PEPD: variants seen among roughly 807,000 people sequenced by gnomAD.
PEPD encodes xaa-Pro dipeptidase.
In PEPD, 53 loss-of-function variants were observed where a neutral mutation model predicts 60.7. That is an observed-to-expected ratio of 0.87 (90% CI 0.70 to 1.10). PEPD has a LOEUF of 1.10. Among genes scored for constraint, PEPD ranks in the 50% least tolerant of loss-of-function variants. The pLI is 0.00. For synonymous variants in PEPD, 267 were observed against 284.1 expected (o/e 0.94, Z 0.60); for missense variants, 711 against 711.9 (o/e 1.00, Z 0.01).
At chr19:33,478,562 CAAGAG>C (rs1970263174) in intron 6 of PEPD, among the ~76,000 whole-genome samples, 1 of 151,948 alleles carries the variant, frequency 6.6e-6, no homozygotes, top group African/African-American at 2.4e-5. Context: ...TTGAAAGCAG[CAAGAG>C]AAAAGTATTA....
intron 7 of PEPD, among the ~76,000 whole-genome samples, chr19:33,472,100 G>T (rs554054161): frequency 4.6e-5 from 7 of 151,142 alleles, no homozygotes; most frequent in Non-Finnish European, 7.4e-5. Context: ...GGCGGAAGTT[G>T]CAGTGAGCCA....
Position 33,387,486 on chromosome 19 carries a change from G to T in PEPD, c.1345-5C>A, listed in dbSNP as rs751676706. 2 of 1,613,364 alleles carry T rather than the reference G, an allele frequency of 1.2e-6. No homozygotes were observed. Among genetic ancestry groups the T allele is most frequent in the Non-Finnish European group, 1.7e-6 (2 of 1,180,036 alleles). ...GACGTCCTCCTCGATGCGGACCTGG[G>T]TCAAGCCGACAGACACACATTATCA... On this transcript the variant is annotated splice_region_variant and splice_polypyrimidine_tract_variant and intron_variant, in intron 14 of 14. Transcript: ENST00000244137.
intron 11 of PEPD, among the ~76,000 whole-genome samples, chr19:33,404,034 C>T (rs774707431): frequency 1.3e-5 from 2 of 152,200 alleles, no homozygotes; most frequent in African/African-American, 2.4e-5. Context: ...GCTCAGATCA[C>T]GGGTCCAGGA....
intron 9 of PEPD, among the ~76,000 whole-genome samples, chr19:33,455,955 T>C (rs1191230258): frequency 1.3e-5 from 2 of 152,184 alleles, no homozygotes; most frequent in South Asian, 2.1e-4. Flanking sequence ...CCTATTTATG[T>C]TAGTTTTGCC....
intron 9 of PEPD, among the ~76,000 whole-genome samples, chr19:33,445,495 TGA>T (rs1969574529): frequency 1.3e-5 from 2 of 152,108 alleles, no homozygotes; most frequent in Non-Finnish European, 1.5e-5. Flanking sequence ...TCTGAGCATA[TGA>T]GAGAGACCCC....
chr19:33,398,152 G>T (rs1283305535), intron 12 of PEPD, among the ~76,000 whole-genome samples: 1 of 152,230 alleles, frequency 6.6e-6, no homozygotes. Context: ...GCTCCCCGTG[G>T]CCTGGTGCTA....
rs118187316 is a variant in PEPD at position 33,410,055 on chromosome 19, T to G, written c.818+1617A>C. 7.2e-5 allele frequency among the ~76,000 whole-genome samples: 11 copies of G among 152,312 alleles called. No individual in the cohort carries two copies. The East Asian group carries it at 1.9e-3, about 27-fold the overall frequency. ...GGGGACTGGGGACTCGCCCACCATT[T>G]GTGGGGCTCACTGTGGTGCCAGAGT... On this transcript the variant is annotated intron_variant, in intron 11 of 14. Transcript: ENST00000244137.
intron 9 of PEPD, among the ~76,000 whole-genome samples, chr19:33,451,247 C>T (rs758284965): frequency 6.6e-6 from 1 of 152,208 alleles, no homozygotes; most frequent in Non-Finnish European, 1.5e-5. Flanking sequence ...ATAAGCCCCA[C>T]TTTAGGGCTT....
At chr19:33,463,822 C>T (rs997694147) in intron 8 of PEPD, among the ~76,000 whole-genome samples, 165 bp downstream of exon 8, 1 of 152,212 alleles carries the variant, frequency 6.6e-6, no homozygotes, top group Non-Finnish European at 1.5e-5. Flanking sequence ...CTGCCCTGTG[C>T]CCACCAGGGA....
At chr19:33,463,883 C>A (rs1969973316) in intron 8 of PEPD, 104 bp downstream of exon 8, 1 of 776,174 alleles carries the variant, frequency 1.3e-6, no homozygotes, top group African/African-American at 1.7e-5. Context: ...TCACTTGGCC[C>A]TCAGGGATTA....
intron 4 of PEPD, among the ~76,000 whole-genome samples, chr19:33,496,084 T>A (rs1216413802): frequency 6.6e-6 from 1 of 152,080 alleles, no homozygotes; most frequent in East Asian, 1.9e-4. Context: ...GGAACAGGGG[T>A]ACACATGCCG....
rs1968776841 is a variant in PEPD, at chr19:33,411,691, T to A, written c.799A>T (p.Ile267Phe). The part of the protein sequence containing the change: ...GHAGAPNDRT[I>F]QNGDMCLFDM... ...ACTTACCACATATCCCCATTCTGGA[T>A]CGTTCGGTCGTTGGGAGCTCCGGCG... is the stretch of plus-strand genomic sequence containing the variant. Residue 267 changes from isoleucine (I) to phenylalanine (F), a missense_variant, in exon 11 of 15, where the codon ATC (isoleucine) becomes TTC (phenylalanine). Physicochemically the swap from Ile to Phe is conservative, Grantham distance 21. Coordinates refer to ENST00000244137, the MANE Select transcript of PEPD (RefSeq NM_000285.4). The A allele has an allele frequency of 6.2e-7, 1 of 1,607,762 alleles. No homozygotes were observed.
chr19:33,511,288 TC>T, intron 2 of PEPD, 133 bp from the exon 3 acceptor site: 1 of 870,482 alleles, frequency 1.1e-6, no homozygotes, highest in Non-Finnish European at 1.9e-6. Context: ...GCCCCAGACA[TC>T]CCTTCCCCTC....
At chr19:33,497,346 G>T (rs1046706243) in intron 4 of PEPD, among the ~76,000 whole-genome samples, 1 of 152,240 alleles carries the variant, frequency 6.6e-6, no homozygotes, top group African/African-American at 2.4e-5. Flanking sequence ...TGCATGGAAC[G>T]CACGCTTCAC....
chr19:33,517,582 A>C (rs1331390496), intron 1 of PEPD, among the ~76,000 whole-genome samples: 1 of 150,826 alleles, frequency 6.6e-6, no homozygotes, highest in African/African-American at 2.4e-5. Context: ...AACAAAAAAC[A>C]AAAAAAAACC....
At chr19:33,405,812 G>T (rs534767992) in intron 11 of PEPD, among the ~76,000 whole-genome samples, 1 of 152,146 alleles carries the variant, frequency 6.6e-6, no homozygotes, top group Admixed American at 6.5e-5. Flanking sequence ...CCCCCTTTTC[G>T]TGTGACGGCC....
At chr19:33,517,992 G>A (rs1288463910) in intron 1 of PEPD, among the ~76,000 whole-genome samples, 1 of 151,102 alleles carries the variant, frequency 6.6e-6, no homozygotes, top group African/African-American at 2.4e-5. Flanking sequence ...GCCACTTCTA[G>A]ACAGGGTCAC....
chr19:33,486,729 C>CA (rs1970403619), intron 6 of PEPD, among the ~76,000 whole-genome samples: 1 of 152,188 alleles, frequency 6.6e-6, no homozygotes, highest in African/African-American at 2.4e-5. Flanking sequence ...CCAGGCACCC[C>CA]GAGTAGCCAC....
intron 9 of PEPD, among the ~76,000 whole-genome samples, chr19:33,429,555 T>C (rs1393237169): frequency 2.0e-5 from 3 of 152,228 alleles, no homozygotes; most frequent in Non-Finnish European, 2.9e-5. Context: ...AAATATTTCA[T>C]AATTATGCAA....
Sources: gnomAD v4.1 joint callset for allele counts (sites outside exome capture counted in the v4.1 genomes callset) on GRCh38, gnomAD v4.1.1 for gene constraint, MANE v1.5 for transcripts, NCBI Gene and HGNC (gene_info 2026-07-23, HGNC 2026-07-21) for gene names.